ATP6V0A4: variants seen among roughly 807,000 people sequenced by gnomAD.
ATP6V0A4 encodes V-type proton ATPase 116 kDa subunit a 4.
In ATP6V0A4, 86 loss-of-function variants were observed where a neutral mutation model predicts 107.3. That is an observed-to-expected ratio of 0.80 (90% confidence interval 0.67 to 0.96). The LOEUF is 0.96. Ranked by LOEUF, ATP6V0A4 falls within the 40% of genes least tolerant of loss-of-function variation. The pLI, the probability that ATP6V0A4 is intolerant of heterozygous loss-of-function variation, is 0.00. For missense variants in ATP6V0A4, 908 were observed against 1,045.6 expected, an observed-to-expected ratio of 0.87 and a Z score of 1.81; for synonymous variants, 353 against 381.4, an observed-to-expected ratio of 0.93 and a Z score of 0.87.
chr7:138,784,231 T>TAC (rs1481484146), intron 2 of ATP6V0A4, among the ~76,000 whole-genome samples: 526 of 45,292 alleles, frequency 0.012, 17 homozygotes, highest in African/African-American at 0.067. Context: ...TATATATATA[T>TAC]ATACGTATAT....
rs587776615 is a variant in ATP6V0A4 at position 138,734,135 on chromosome 7, C to T, written c.1691+1G>A. The T allele has an allele frequency of 5.0e-6, 8 of 1,609,394 alleles. No homozygotes were observed. The South Asian group carries it at 8.8e-5, about 18-fold the overall frequency. The stretch of plus-strand genomic sequence containing the variant: ...GGCAGAGAGTGCATCAAGAAACTTA[C>T]ATGTGATTGAAAAGGCTGAGGATGA... On this transcript the variant is annotated splice_donor_variant, in intron 16 of 21. Transcript: ENST00000310018. LOFTEE classifies it high-confidence loss of function.
chr7:138,770,118 A>G (rs527681381), intron 3 of ATP6V0A4, among the ~76,000 whole-genome samples: 1 of 152,270 alleles, frequency 6.6e-6, no homozygotes, highest in Admixed American at 6.5e-5. Flanking sequence ...AAGGACACTT[A>G]ACAGTGTCCT....
chr7:138,709,826 C>G lies in ATP6V0A4; in HGVS notation c.2258-31G>C, dbSNP rs201980729. 2.5e-6 allele frequency: 4 copies of G among 1,610,116 alleles called. No individual in the cohort carries two copies. The East Asian group carries it at 8.9e-5, about 36-fold the overall frequency. On this transcript the variant is annotated intron_variant, in intron 20 of 21. Transcript: ENST00000310018. ...AGGTACGAGAAACCACTGGGATTAT[C>G]TTGTAAATGCAGATTGTTATTTATT...
chr7:138,711,038 C>G (rs1803712100), intron 20 of ATP6V0A4, among the ~76,000 whole-genome samples: 1 of 152,154 alleles, frequency 6.6e-6, no homozygotes, highest in Admixed American at 6.6e-5. Context: ...GGGCAAATGC[C>G]ACACAGCCCC....
chr7:138,709,698 AAATACGGCAAAAATAAT>A lies in ATP6V0A4; in HGVS notation c.2338_2354del (p.Ile780CysfsTer27). ...GAAGGATGGCTACTGTCAGGACAGC[AAATACGGCAAAAATAAT>A]AAAAACCCCGACGATTCCTCCCCAG... On this transcript the variant is annotated frameshift_variant, in exon 21 of 22. Coordinates refer to ENST00000310018, the MANE Select transcript of ATP6V0A4 (RefSeq NM_020632.3). LOFTEE classifies it high-confidence loss of function. The A allele has an allele frequency of 6.2e-7, 1 of 1,613,952 alleles. No individual in the cohort carries two copies. Among genetic ancestry groups the A allele is most frequent in the African/African-American group, 1.3e-5 (1 of 75,000 alleles).
chr7:138,760,743 C>G (rs1027079067), intron 7 of ATP6V0A4, among the ~76,000 whole-genome samples: 1 of 152,088 alleles, frequency 6.6e-6, no homozygotes, highest in Admixed American at 6.6e-5. Context: ...ATTTTCATTT[C>G]AAATTCAATG....
chr7:138,761,080 T>C (rs1456746437), intron 7 of ATP6V0A4, among the ~76,000 whole-genome samples: 1 of 152,128 alleles, frequency 6.6e-6, no homozygotes, highest in African/African-American at 2.4e-5. Flanking sequence ...CCCAAAGTGC[T>C]GGGATTATAG....
intron 2 of ATP6V0A4, among the ~76,000 whole-genome samples, chr7:138,784,227 TATATATAC>T (rs1808046457): frequency 2.1e-5 from 1 of 47,066 alleles, no homozygotes; most frequent in African/African-American, 1.3e-4. Context: ...TATATATATA[TATATATAC>T]GTATATATAT....
At chr7:138,788,317 C>G (rs922255701) in intron 1 of ATP6V0A4, among the ~76,000 whole-genome samples, 1 of 152,164 alleles carries the variant, frequency 6.6e-6, no homozygotes, top group Non-Finnish European at 1.5e-5. Context: ...ATATTTTGCA[C>G]AAATGATAAG....
intron 9 of ATP6V0A4, 82 bp downstream of exon 9, chr7:138,756,376 G>A: frequency 6.2e-7 from 1 of 1,606,142 alleles, no homozygotes; most frequent in Non-Finnish European, 8.5e-7. Flanking sequence ...AGAAGCCACA[G>A]TCATGTGCAT....
Position 138,706,610 on chromosome 7 carries a change from G to A in ATP6V0A4, c.*14C>T, listed in dbSNP as rs776494245. 1.1e-4 allele frequency: 175 copies of A among 1,613,696 alleles called. 1 individual carries two copies. The South Asian group carries it at 1.5e-3, about 14-fold the overall frequency. Reference sequence around the variant, plus strand: ...ATTGGCATGGTGACCACCGTGGGAGGTGCAGCCCTCAGCCTACTCCTCGGC... The same window carrying A: ...ATTGGCATGGTGACCACCGTGGGAGATGCAGCCCTCAGCCTACTCCTCGGC... On this transcript the variant is annotated 3_prime_UTR_variant, in exon 22 of 22. Transcript: ENST00000310018.
At chr7:138,753,184 A>T (rs1004168552) in intron 10 of ATP6V0A4, among the ~76,000 whole-genome samples, 43 of 152,208 alleles carry the variant, frequency 2.8e-4, no homozygotes, top group African/African-American at 1.0e-3. Flanking sequence ...AAGAGGTCAT[A>T]CTGGATTTGA....
chr7:138,734,302 G>C, intron 15 of ATP6V0A4, 48 bp from the exon 16 acceptor site: 1 of 1,609,068 alleles, frequency 6.2e-7, no homozygotes. Context: ...AGTCTTAGAA[G>C]TTCTACTGGA....
At chr7:138,764,904 T>C in intron 5 of ATP6V0A4, 1 of 154,010 alleles carries the variant, frequency 6.5e-6, no homozygotes, top group South Asian at 2.0e-4. Context: ...GTGATTCTCT[T>C]GCCTCAGCCT....
In ATP6V0A4 at chr7:138,759,800, C is replaced by T. The variant is rs1806705215; in HGVS notation, c.591G>A (p.Val197=). Residue 197 remains valine (V), a synonymous_variant, in exon 8 of 22, where the codon GTG becomes GTA. Coordinates refer to ENST00000310018, the MANE Select transcript of ATP6V0A4 (RefSeq NM_020632.3). ...CGTCCATCTCACTGAACTTCAAGTA[C>T]ACGTTTCCTCGGCAGATTCGCCACA... ...RLLWRICRGN[V]YLKFSEMDAP... 1.2e-6 allele frequency: 2 copies of T among 1,614,160 alleles called. No homozygotes were observed. The highest frequency in any genetic ancestry group is 8.5e-7 in the Non-Finnish European group (1 of 1,180,042).
chr7:138,759,792 T>G lies in ATP6V0A4; in HGVS notation c.599A>C (p.Lys200Thr). Reference sequence around the variant, plus strand: ...CAGAGGGGCGTCCATCTCACTGAACTTCAAGTACACGTTTCCTCGGCAGAT... The same window carrying G: ...CAGAGGGGCGTCCATCTCACTGAACGTCAAGTACACGTTTCCTCGGCAGAT... ...WRICRGNVYL[K>T]FSEMDAPLED... Residue 200 changes from lysine to threonine, a missense_variant, in exon 8 of 22, where the codon AAG becomes ACG. Coordinates refer to ENST00000310018, the MANE Select transcript of ATP6V0A4 (RefSeq NM_020632.3). The G allele has an allele frequency of 6.2e-7, 1 of 1,614,128 alleles. No individual in the cohort carries two copies. Among genetic ancestry groups the G allele is most frequent in the East Asian group, 2.2e-5 (1 of 44,872 alleles).
chr7:138,788,216 T>C (rs1487168638), intron 1 of ATP6V0A4, among the ~76,000 whole-genome samples: 2 of 152,162 alleles, frequency 1.3e-5, no homozygotes, highest in Admixed American at 6.5e-5. Context: ...CCAAAAACTT[T>C]AGCTTAAAGT....
chr7:138,796,342 T>A (rs559278722), intron 1 of ATP6V0A4, among the ~76,000 whole-genome samples: 1 of 152,168 alleles, frequency 6.6e-6, no homozygotes, highest in East Asian at 1.9e-4. Flanking sequence ...TATCCCCAAA[T>A]CCAGGAACAT....
At chr7:138,725,077 C>T (rs1804638669) in intron 18 of ATP6V0A4, among the ~76,000 whole-genome samples, 1 of 152,140 alleles carries the variant, frequency 6.6e-6, no homozygotes, top group African/African-American at 2.4e-5. Flanking sequence ...TCAAGACCAG[C>T]TTGGGCAACA....
Sources: allele counts gnomAD v4.1 joint callset (sites outside exome capture counted in the v4.1 genomes callset), GRCh38; gene constraint gnomAD v4.1.1; transcripts MANE v1.5; gene names NCBI Gene and HGNC (gene_info 2026-07-23, HGNC 2026-07-21).